TXNDC16: variants seen among roughly 807,000 people sequenced by gnomAD.
The protein encoded by TXNDC16 is thioredoxin domain-containing protein 16.
In TXNDC16, 74 loss-of-function variants were observed where a neutral mutation model predicts 85.6. That is an observed-to-expected ratio of 0.86 (90% CI 0.72 to 1.05). The LOEUF is 1.05. TXNDC16 is among the 50% of genes least tolerant of loss of function. The pLI is 0.00. For missense variants in TXNDC16, 959 were observed against 947.0 expected (o/e 1.01, Z -0.17); for synonymous variants, 335 against 326.5 (o/e 1.03, Z -0.28).
chr14:52,545,753 G>A (rs2037928143), intron 1 of TXNDC16, among the ~76,000 whole-genome samples: 1 of 152,208 alleles, frequency 6.6e-6, no homozygotes, highest in Non-Finnish European at 1.5e-5. Flanking sequence ...GGGAAAGGGA[G>A]TAGGGGAAGG....
In TXNDC16 at chr14:52,470,605, T is replaced by A; in HGVS notation, c.1388A>T (p.Glu463Val). 6.2e-7 allele frequency: 1 copy of A among 1,614,010 alleles called. No homozygotes were observed. ...SDVCTKQNVTEFPIIKMYKKG... is the reference protein window; with the variant it reads ...SDVCTKQNVTVFPIIKMYKKG... ...CTTGTACATCTTTATGATAGGAAAT[T>A]CAGTAACATTTTGCTTAGTACATAC... is the stretch of plus-strand genomic sequence containing the variant. Residue 463 changes from glutamate to valine, a missense_variant, in exon 15 of 21, where the codon GAA (glutamate) becomes GTA (valine). By Grantham distance (121) the Glu-to-Val change is moderately radical (BLOSUM62 -2). Coordinates refer to ENST00000281741, the MANE Select transcript of TXNDC16 (RefSeq NM_020784.3).
chr14:52,452,146 G>T lies in TXNDC16; in HGVS notation c.1842+3178C>A, dbSNP rs1395946613. On this transcript the variant is annotated intron_variant, in intron 18 of 20. Coordinates refer to ENST00000281741, the MANE Select transcript of TXNDC16 (RefSeq NM_020784.3). ...TAAAGAAGTGAAAGATCTCTACGAT[G>T]AAAACTATAATACATTGATGTAAGA... Among the ~76,000 whole-genome samples, 4 of 152,204 alleles carry T rather than the reference G, an allele frequency of 2.6e-5. No homozygotes were observed. The South Asian group carries it at 8.3e-4, about 32-fold the overall frequency.
intron 1 of TXNDC16, among the ~76,000 whole-genome samples, chr14:52,545,691 AAAAC>A (rs1259070816): frequency 6.6e-6 from 1 of 152,230 alleles, no homozygotes; most frequent in African/African-American, 2.4e-5. Flanking sequence ...GGTCAATGCC[AAAAC>A]AAACAGTGAG....
chr14:52,470,721 A>G, intron 14 of TXNDC16, 41 bp from the exon 15 acceptor site: 1 of 1,548,460 alleles, frequency 6.5e-7, no homozygotes, highest in Non-Finnish European at 8.7e-7. Context: ...TACTAATTGT[A>G]GAAAATGCAT....
At chr14:52,519,123 A>G in intron 7 of TXNDC16, 49 bp downstream of exon 7, 5 of 1,540,346 alleles carry the variant, frequency 3.2e-6, no homozygotes, top group Non-Finnish European at 4.4e-6. Context: ...ACTTCAACAT[A>G]CATAAGTACA....
At chr14:52,545,477 C>A (rs1293983885) in intron 1 of TXNDC16, among the ~76,000 whole-genome samples, 1 of 152,030 alleles carries the variant, frequency 6.6e-6, no homozygotes, top group Non-Finnish European at 1.5e-5. Flanking sequence ...GCAAAGAATA[C>A]CGCACGGGTC....
chr14:52,536,636 A>C (rs2037706738), intron 6 of TXNDC16, 83 bp downstream of exon 6: 3 of 1,168,430 alleles, frequency 2.6e-6, no homozygotes, highest in Non-Finnish European at 3.6e-6. Context: ...ACCCTGAAAT[A>C]TTTTAATGAA....
At chr14:52,507,546 C>T (rs566133149) in intron 9 of TXNDC16, among the ~76,000 whole-genome samples, 27 of 152,220 alleles carry the variant, frequency 1.8e-4, no homozygotes, top group African/African-American at 5.8e-4. Context: ...ACTTTCTTCA[C>T]AGAATTGGAA....
chr14:52,498,898 C>G (rs1240451718), intron 9 of TXNDC16, among the ~76,000 whole-genome samples: 5 of 152,034 alleles, frequency 3.3e-5, no homozygotes, highest in African/African-American at 7.2e-5. Context: ...AGCTAGAGGC[C>G]TCACACTTTC....
At chr14:52,516,355 G>A (rs1045895458) in intron 7 of TXNDC16, among the ~76,000 whole-genome samples, 2 of 152,158 alleles carry the variant, frequency 1.3e-5, no homozygotes, top group African/African-American at 4.8e-5. Flanking sequence ...AGTTGGCTGG[G>A]TACAGAATTC....
intron 6 of TXNDC16, among the ~76,000 whole-genome samples, chr14:52,530,933 C>T (rs1051923652): frequency 1.3e-5 from 2 of 151,682 alleles, no homozygotes; most frequent in African/African-American, 4.8e-5. Flanking sequence ...GGAGAAAATA[C>T]TTGTGAAAAA....
intron 9 of TXNDC16, among the ~76,000 whole-genome samples, chr14:52,506,682 G>A (rs2036815633): frequency 1.4e-5 from 2 of 142,750 alleles, no homozygotes; most frequent in South Asian, 2.2e-4. Context: ...TCAGCCTCCC[G>A]AGTAGCTGGG....
At chr14:52,491,745 C>T (rs950756354) in intron 9 of TXNDC16, among the ~76,000 whole-genome samples, 2 of 152,034 alleles carry the variant, frequency 1.3e-5, no homozygotes, top group East Asian at 1.9e-4. Context: ...AAATTAAATA[C>T]ACACATCTAA....
chr14:52,498,641 T>C (rs1364294488), intron 9 of TXNDC16, among the ~76,000 whole-genome samples: 1 of 152,122 alleles, frequency 6.6e-6, no homozygotes, highest in Non-Finnish European at 1.5e-5. Flanking sequence ...TACTGAAAAC[T>C]ACAAAACATT....
Position 52,543,845 on chromosome 14 carries a change from T to A in TXNDC16, c.-73-215A>T, listed in dbSNP as rs2037886990. ...ACTTGCAAAAGATATCAAAACTACC[T>A]AGAAAATGCTCAATTTAGTAGAGTG... is the stretch of plus-strand genomic sequence containing the variant. On this transcript the variant is annotated intron_variant, in intron 2 of 20. Coordinates refer to ENST00000281741, the MANE Select transcript of TXNDC16 (RefSeq NM_020784.3). 3.3e-5 allele frequency among the ~76,000 whole-genome samples: 5 copies of A among 152,174 alleles called. No homozygotes were observed. In the South Asian group the frequency reaches 1.0e-3, roughly 32 times the overall value.
At chr14:52,486,098 G>C (rs2036263260) in intron 12 of TXNDC16, among the ~76,000 whole-genome samples, 1 of 151,870 alleles carries the variant, frequency 6.6e-6, no homozygotes, top group Non-Finnish European at 1.5e-5. Context: ...CTTATTTACT[G>C]TATTTTTTTC....
rs550811911 is a variant in TXNDC16 at position 52,430,861 on chromosome 14, G to A, written c.*1443C>T. Reference sequence around the variant, plus strand: ...CTACAGGAAAAAAAATTGAGGAGAGGGTGCTGAGAGTAGCAACGGGTCTAT... The same window carrying A: ...CTACAGGAAAAAAAATTGAGGAGAGAGTGCTGAGAGTAGCAACGGGTCTAT... On this transcript the variant is annotated 3_prime_UTR_variant, in exon 21 of 21. Transcript: ENST00000281741. 1 of 152,004 alleles carries A rather than the reference G, an allele frequency of 6.6e-6. No individual in the cohort carries two copies. The highest frequency in any genetic ancestry group is 2.4e-5 in the African/African-American group (1 of 41,372). 9.4% of individuals were successfully genotyped at this position (152,004 alleles called of 1,614,324 possible).
At chr14:52,508,195 C>A (rs2036861462) in intron 9 of TXNDC16, among the ~76,000 whole-genome samples, 1 of 152,138 alleles carries the variant, frequency 6.6e-6, no homozygotes, top group Non-Finnish European at 1.5e-5. Context: ...CCAGAATCTA[C>A]AATGAACTCA....
chr14:52,485,572 G>A (rs2036249895), intron 12 of TXNDC16, among the ~76,000 whole-genome samples: 1 of 152,156 alleles, frequency 6.6e-6, no homozygotes. Context: ...TACATGGTAT[G>A]TACCCTATAC....
Sources: gnomAD v4.1 joint callset for allele counts (sites outside exome capture counted in the v4.1 genomes callset) on GRCh38, gnomAD v4.1.1 for gene constraint, MANE v1.5 for transcripts, NCBI Gene and HGNC (gene_info 2026-07-23, HGNC 2026-07-21) for gene names.